HUS1: variants seen among roughly 807,000 people sequenced by gnomAD.
The protein encoded by HUS1 is HUS1 checkpoint clamp component, also known as checkpoint protein HUS1.
In HUS1, 31 loss-of-function variants were observed where a neutral mutation model predicts 32.6. The ratio of observed to expected loss-of-function variants is 0.95; its 90% CI spans 0.72 to 1.28. HUS1 has a LOEUF of 1.28. Among genes scored for constraint, HUS1 ranks in the 50% most tolerant of loss-of-function variants. The pLI is 0.00. For synonymous variants in HUS1, 123 were observed against 116.6 expected, an observed-to-expected ratio of 1.06 and a Z score of -0.36; for missense variants, 340 against 337.7, an observed-to-expected ratio of 1.01 and a Z score of -0.05.
In HUS1 at chr7:47,966,362, C is replaced by T. The variant is rs559104718; in HGVS notation, c.761-924G>A. Among the ~76,000 whole-genome samples, 8 of 152,322 alleles carry T rather than the reference C, an allele frequency of 5.3e-5. No homozygotes were observed. In the South Asian group the frequency reaches 8.3e-4, roughly 16 times the overall value. ...TTTGCTGGTCTTCCTTTCTCTGCTACACGTGGAGACACCAAAGTGAATGTT... is the reference window on the plus strand; with the variant it reads ...TTTGCTGGTCTTCCTTTCTCTGCTATACGTGGAGACACCAAAGTGAATGTT... On this transcript the variant is annotated intron_variant, in intron 7 of 7. Coordinates refer to ENST00000258774, the MANE Select transcript of HUS1 (RefSeq NM_004507.4).
chr7:47,976,900 C>A lies in HUS1; in HGVS notation c.358-63G>T, dbSNP rs532868388. The A allele has an allele frequency of 1.5e-5, 16 of 1,099,118 alleles. No homozygotes were observed. In the South Asian group the frequency reaches 2.1e-4, roughly 14 times the overall value. 68.1% of individuals were successfully genotyped at this position (1,099,118 alleles called of 1,614,324 possible). On this transcript the variant is annotated intron_variant, in intron 3 of 7. Coordinates refer to ENST00000258774, the MANE Select transcript of HUS1 (RefSeq NM_004507.4). Reference sequence around the variant, plus strand: ...TAATATTAAGCAACAACAAAACAAACCCGAAGACCCGGGACAAAAAAGTTG... The same window carrying A: ...TAATATTAAGCAACAACAAAACAAAACCGAAGACCCGGGACAAAAAAGTTG...
chr7:47,978,486 C>T lies in HUS1; in HGVS notation c.288G>A (p.Gln96=). The T allele has an allele frequency of 6.2e-7, 1 of 1,614,236 alleles. No individual in the cohort carries two copies. The highest frequency in any genetic ancestry group is 8.5e-7 in the Non-Finnish European group (1 of 1,180,044). The part of the protein sequence containing the change: ...ENLSRALKTA[Q]NARALKIKLT... ...GTTTGATTTTCAAAGCCCTGGCATT[C>T]TGGGCAGTCTTCAAGGCTCGAGATA... Residue 96 remains glutamine, a synonymous_variant, in exon 3 of 8, where the codon CAG becomes CAA. Transcript: ENST00000258774.
intron 3 of HUS1, 113 bp downstream of exon 3, chr7:47,978,304 T>C (rs1788749797): frequency 1.1e-6 from 1 of 925,386 alleles, no homozygotes; most frequent in Non-Finnish European, 1.6e-6. Context: ...TCTTTAAATT[T>C]AAATAAACCA....
chr7:47,978,212 T>C (rs1788747657), intron 3 of HUS1: 1 of 466,724 alleles, frequency 2.1e-6, no homozygotes, highest in Non-Finnish European at 3.8e-6. Flanking sequence ...AAAGCAGCAT[T>C]CTAGCTGAAT....
intron 3 of HUS1, 21 bp from the exon 4 acceptor site, chr7:47,976,858 A>G (rs1788716401): frequency 2.7e-6 from 4 of 1,505,434 alleles, no homozygotes; most frequent in Non-Finnish European, 3.7e-6. Flanking sequence ...AAGAATTTAA[A>G]AATATTTTTA....
chr7:47,976,868 A>G (rs1562590779), intron 3 of HUS1, 31 bp from the exon 4 acceptor site: 1 of 1,441,378 alleles, frequency 6.9e-7, no homozygotes, highest in East Asian at 2.3e-5. Flanking sequence ...AAATATTTTT[A>G]TGTTGTTAAT....
chr7:47,969,167 T>C (rs113973860), intron 6 of HUS1, 52 bp downstream of exon 6: 10 of 860,602 alleles, frequency 1.2e-5, no homozygotes, highest in Non-Finnish European at 1.7e-5. Flanking sequence ...AGGTAGGTTA[T>C]CTGAAACAAT....
At chr7:47,966,463 G>T (rs1788480093) in intron 7 of HUS1, among the ~76,000 whole-genome samples, 1 of 152,118 alleles carries the variant, frequency 6.6e-6, no homozygotes. Context: ...GATTCAGAAA[G>T]TCCCCAAAAT....
intron 7 of HUS1, 119 bp downstream of exon 7, chr7:47,967,687 T>G (rs184721050): frequency 6.9e-6 from 7 of 1,012,520 alleles, no homozygotes; most frequent in African/African-American, 3.3e-5. Flanking sequence ...GTCCACATAA[T>G]TGAGCTTTTT....
intron 5 of HUS1, among the ~76,000 whole-genome samples, chr7:47,969,574 T>C (rs917935662): frequency 5.9e-5 from 9 of 152,108 alleles, no homozygotes; most frequent in African/African-American, 1.9e-4. Context: ...TCAGTGAAGA[T>C]GTGAAAACAG....
Position 47,965,368 on chromosome 7 carries a change from A to C in HUS1, c.831T>G (p.Pro277=), listed in dbSNP as rs1414983422. The change falls in exon 8 of 8, where the codon CCT becomes CCG. Residue 277 remains proline (P), a synonymous_variant. Coordinates refer to ENST00000258774, the MANE Select transcript of HUS1 (RefSeq NM_004507.4). ...HEDVSLQYFI[P]ALS is the part of the protein sequence containing the mutation. ...CAGCGACAGGGTGCTAGGACAGCGC[A>C]GGGATGAAATACTGAAGGGACACGT... 1 of 1,611,666 alleles carries C rather than the reference A, an allele frequency of 6.2e-7. No individual in the cohort carries two copies. Among genetic ancestry groups the C allele is most frequent in the Non-Finnish European group, 8.5e-7 (1 of 1,177,882 alleles).
rs533764838 is a variant in HUS1 at position 47,971,466 on chromosome 7, A to C, written c.541-2148T>G. The C allele has an allele frequency of 2.7e-4, 122 of 456,688 alleles. 1 individual carries two copies. In the East Asian group the frequency reaches 7.7e-3, roughly 29 times the overall value. 28.3% of individuals were successfully genotyped at this position (456,688 alleles called of 1,614,324 possible). A position where few individuals can be genotyped will look rare whatever the true frequency, so the allele number is the denominator to read the frequency against. On this transcript the variant is annotated intron_variant, in intron 5 of 7. Transcript: ENST00000258774. ...GTCACAAGGGACTCCTTTCCTTTGA[A>C]GCTCCTCTACCCACCCCAACAACCA...
rs554018144 is a variant in HUS1 at position 47,978,771 on chromosome 7, C to T, written c.98G>A (p.Arg33His). ...GAAGTTAAGCTTATCAGGGCTGATG[C>T]GGAGGGTGCAGGTTTTGGCAAGCTT... ...IAKLAKTCTLRISPDKLNFIL... is the reference protein window; with the variant it reads ...IAKLAKTCTLHISPDKLNFIL... The change falls in exon 2 of 8, where the codon CGC (arginine) becomes CAC (histidine). Residue 33 changes from arginine (R) to histidine (H), a missense_variant. Arg to His is a conservative substitution (Grantham distance 29, BLOSUM62 0). Coordinates refer to ENST00000258774, the MANE Select transcript of HUS1 (RefSeq NM_004507.4). 4 of 1,614,134 alleles carry T rather than the reference C, an allele frequency of 2.5e-6. No homozygotes were observed. The highest frequency in any genetic ancestry group is 2.2e-5 in the East Asian group (1 of 44,886).
rs1251131745 is a variant in HUS1 at position 47,978,724 on chromosome 7, T to C, written c.145A>G (p.Asn49Asp). ...TCACACCACATGCTCACTCCTCCAT[T>C]AGCCAGCTTGTCACAAAGGATGAAG... ...LNFILCDKLA[N>D]GGVSMWCELE... Residue 49 changes from asparagine to aspartate, a missense_variant, in exon 2 of 8, where the codon AAT (asparagine) becomes GAT (aspartate). Coordinates refer to ENST00000258774, the MANE Select transcript of HUS1 (RefSeq NM_004507.4). 3 of 1,614,222 alleles carry C rather than the reference T, an allele frequency of 1.9e-6. No individual in the cohort carries two copies. Among genetic ancestry groups the C allele is most frequent in the Middle Eastern group, 1.6e-4 (1 of 6,062 alleles).
Position 47,971,285 on chromosome 7 carries a change from C to T in HUS1, c.541-1967G>A, listed in dbSNP as rs530396648. The T allele has an allele frequency of 6.0e-5, 16 of 265,578 alleles. No homozygotes were observed. The East Asian group carries it at 1.7e-3, about 28-fold the overall frequency. The allele number at this position is 265,578 out of a possible 1,614,324, so 16.5% of individuals were successfully genotyped here. A position where few individuals can be genotyped will look rare whatever the true frequency, so the allele number is the denominator to read the frequency against. On this transcript the variant is annotated intron_variant, in intron 5 of 7. Coordinates refer to ENST00000258774, the MANE Select transcript of HUS1 (RefSeq NM_004507.4). ...ATGTTGGAAAATGAAATGTCCAAAT[C>T]CAGAAGGGTCTGGGGCTGCTGTTGG...
chr7:47,971,687 T>C (rs946566916), intron 5 of HUS1, among the ~76,000 whole-genome samples: 1 of 152,160 alleles, frequency 6.6e-6, no homozygotes, highest in Admixed American at 6.5e-5. Context: ...GGAAAGCCAG[T>C]GTGTAGTCTG....
At chr7:47,978,873 C>A in intron 1 of HUS1, 57 bp from the exon 2 acceptor site, 1 of 1,531,536 alleles carries the variant, frequency 6.5e-7, no homozygotes, top group Non-Finnish European at 8.9e-7. Flanking sequence ...ATCCTAGAGA[C>A]CAACTTATTT....
At chr7:47,979,036 A>G (rs1788770212) in intron 1 of HUS1, 1 of 572,980 alleles carries the variant, frequency 1.7e-6, no homozygotes, top group Non-Finnish European at 3.1e-6. Flanking sequence ...TTCAAATAAG[A>G]AAACAGGCAC....
Position 47,978,448 on chromosome 7 carries a change from T to G in HUS1, c.326A>C (p.His109Pro), listed in dbSNP as rs901750458. ...RALKIKLTNK[H>P]FPCLTVSVEL... ...CACGGAGACCGTGAGGCAGGGAAAG[T>G]GTTTATTAGTCAGTTTGATTTTCAA... Residue 109 changes from histidine to proline, a missense_variant, in exon 3 of 8, where the codon CAC (histidine) becomes CCC (proline). Transcript: ENST00000258774. 6.2e-7 allele frequency: 1 copy of G among 1,614,146 alleles called. No homozygotes were observed. Among genetic ancestry groups the G allele is most frequent in the African/African-American group, 1.3e-5 (1 of 75,036 alleles).
Sources: gnomAD v4.1 joint callset for allele counts (sites outside exome capture counted in the v4.1 genomes callset) on GRCh38, gnomAD v4.1.1 for gene constraint, MANE v1.5 for transcripts, NCBI Gene and HGNC (gene_info 2026-07-23, HGNC 2026-07-21) for gene names.